The following ADAMTS12 variants were observed in gnomAD, a reference collection of about 807,000 sequenced individuals.
ADAMTS12 encodes A disintegrin and metalloproteinase with thrombospondin motifs 12.
In ADAMTS12, 118 loss-of-function variants were observed where a neutral mutation model predicts 167.8. The ratio of observed to expected loss-of-function variants is 0.70; its 90% CI spans 0.61 to 0.82. ADAMTS12 has a LOEUF of 0.82. ADAMTS12 is among the 40% of genes least tolerant of loss of function. The probability of loss-of-function intolerance (pLI) is 0.00; values close to 1 mark genes in which losing one functional copy is unlikely to be tolerated. For synonymous variants in ADAMTS12, 704 were observed against 716.9 expected, an observed-to-expected ratio of 0.98 and a Z score of 0.29; for missense variants, 1,916 against 1,998.8, an observed-to-expected ratio of 0.96 and a Z score of 0.79.
At chr5:33,660,853 T>C (rs1381147027) in intron 6 of ADAMTS12, among the ~76,000 whole-genome samples, 2 of 152,220 alleles carry the variant, frequency 1.3e-5, no homozygotes, top group Non-Finnish European at 2.9e-5. Flanking sequence ...TAACCAGCGT[T>C]TGAATACCTT....
intron 2 of ADAMTS12, among the ~76,000 whole-genome samples, chr5:33,878,657 T>C (rs1027869997): frequency 3.9e-5 from 6 of 152,194 alleles, no homozygotes; most frequent in Admixed American, 1.3e-4. Flanking sequence ...GATCTGGTAC[T>C]TTAGAGTAAC....
intron 3 of ADAMTS12, among the ~76,000 whole-genome samples, chr5:33,746,597 A>G (rs535172430): frequency 5.3e-5 from 8 of 152,352 alleles, no homozygotes; most frequent in South Asian, 2.1e-4. Flanking sequence ...TCAGAGGCCA[A>G]AAGTAGAAAA....
intron 3 of ADAMTS12, among the ~76,000 whole-genome samples, chr5:33,740,559 G>A (rs539733700): frequency 7.1e-4 from 108 of 152,270 alleles, no homozygotes; most frequent in African/African-American, 2.6e-3. Context: ...GGTCCCCTGA[G>A]TCACTTGCCA....
intron 5 of ADAMTS12, among the ~76,000 whole-genome samples, chr5:33,663,385 C>T (rs1020813104): frequency 2.6e-5 from 4 of 151,098 alleles, no homozygotes; most frequent in Admixed American, 2.6e-4. Context: ...AAAAACTGGT[C>T]AGGTGGCATG....
intron 3 of ADAMTS12, among the ~76,000 whole-genome samples, chr5:33,686,873 T>C (rs1435232811): frequency 6.6e-6 from 1 of 150,838 alleles, no homozygotes; most frequent in Admixed American, 6.6e-5. Context: ...TCTATATATA[T>C]ATGTAGGCAC....
chr5:33,524,287 GTGTTTAATTACATTTTCA>G lies in ADAMTS12; in HGVS notation c.*2883_*2900del, dbSNP rs1449806775. The G allele has an allele frequency of 6.6e-6, 1 of 152,184 alleles. No homozygotes were observed. Among genetic ancestry groups the G allele is most frequent in the Non-Finnish European group, 1.5e-5 (1 of 68,026 alleles). The allele number at this position is 152,184 out of a possible 1,614,324, so 9.4% of individuals were successfully genotyped here. ...TCCTGGAATATTGTTCTCTCGTGGTGTGTTTAATTACATTTTCATGTTTAAGAATTATATTAACCCACA... is the reference window on the plus strand; with the variant it reads ...TCCTGGAATATTGTTCTCTCGTGGTGTGTTTAAGAATTATATTAACCCACA... On this transcript the variant is annotated 3_prime_UTR_variant, in exon 24 of 24. Coordinates refer to ENST00000504830, the MANE Select transcript of ADAMTS12 (RefSeq NM_030955.4).
intron 18 of ADAMTS12, among the ~76,000 whole-genome samples, chr5:33,581,116 C>T (rs1036736810): frequency 2.2e-4 from 33 of 152,330 alleles, no homozygotes; most frequent in African/African-American, 6.7e-4. Context: ...TTCAGCTCCA[C>T]GCTTCTTCTA....
intron 2 of ADAMTS12, among the ~76,000 whole-genome samples, chr5:33,758,396 C>A (rs1440449357): frequency 2.0e-5 from 3 of 152,078 alleles, no homozygotes; most frequent in Non-Finnish European, 4.4e-5. Flanking sequence ...CACACTCTGA[C>A]ATTCAGCCTC....
intron 6 of ADAMTS12, among the ~76,000 whole-genome samples, chr5:33,660,027 G>A (rs1337245611): frequency 6.6e-6 from 1 of 152,116 alleles, no homozygotes; most frequent in Non-Finnish European, 1.5e-5. Context: ...CAGATATGCT[G>A]CTAAATATCT....
chr5:33,721,418 G>C (rs1184947042), intron 3 of ADAMTS12, among the ~76,000 whole-genome samples: 1 of 152,168 alleles, frequency 6.6e-6, no homozygotes, highest in African/African-American at 2.4e-5. Context: ...ATTGGAATAG[G>C]TGCTTGGATC....
intron 20 of ADAMTS12, among the ~76,000 whole-genome samples, chr5:33,555,866 G>A (rs1244261555): frequency 6.6e-6 from 1 of 152,188 alleles, no homozygotes; most frequent in Non-Finnish European, 1.5e-5. Context: ...AGTAGGTCAA[G>A]TCCTCCAGAG....
At chr5:33,743,607 A>G (rs1206266295) in intron 3 of ADAMTS12, among the ~76,000 whole-genome samples, 1 of 152,100 alleles carries the variant, frequency 6.6e-6, no homozygotes, top group Non-Finnish European at 1.5e-5. Context: ...TTGTATCCTA[A>G]TTACCCGGTG....
At chr5:33,592,230 AAAAC>A (rs1032571266) in intron 17 of ADAMTS12, among the ~76,000 whole-genome samples, 3 of 151,750 alleles carry the variant, frequency 2.0e-5, no homozygotes, top group East Asian at 1.9e-4. Flanking sequence ...ACTCCGTCTC[AAAAC>A]AAACAAACAA....
intron 2 of ADAMTS12, among the ~76,000 whole-genome samples, chr5:33,860,243 T>A (rs1749557761): frequency 6.6e-6 from 1 of 151,996 alleles, no homozygotes; most frequent in Non-Finnish European, 1.5e-5. Flanking sequence ...TCTAACCCAA[T>A]GCAAGGAAGC....
chr5:33,789,680 T>A (rs959187315), intron 2 of ADAMTS12, among the ~76,000 whole-genome samples: 1 of 152,198 alleles, frequency 6.6e-6, no homozygotes. Flanking sequence ...CACACAGCGT[T>A]CTTGACAGTC....
intron 3 of ADAMTS12, among the ~76,000 whole-genome samples, chr5:33,708,166 CATTTATGCAGT>C (rs1561226974): frequency 6.6e-6 from 1 of 152,156 alleles, no homozygotes; most frequent in Non-Finnish European, 1.5e-5. Flanking sequence ...CAAAGGAAGA[CATTTATGCAGT>C]CAATAAACAT....
chr5:33,562,163 T>C (rs1745779419), intron 19 of ADAMTS12, among the ~76,000 whole-genome samples: 1 of 152,130 alleles, frequency 6.6e-6, no homozygotes, highest in African/African-American at 2.4e-5. Flanking sequence ...ATTGTGCCTT[T>C]TAGCAAGCTC....
At chr5:33,849,001 T>C (rs1306471229) in intron 2 of ADAMTS12, among the ~76,000 whole-genome samples, 2 of 149,844 alleles carry the variant, frequency 1.3e-5, no homozygotes, top group South Asian at 4.2e-4. Context: ...ATGTATTGCA[T>C]AGCAATATAT....
At chr5:33,634,167 A>C (rs898498079) in intron 12 of ADAMTS12, among the ~76,000 whole-genome samples, 7 of 152,176 alleles carry the variant, frequency 4.6e-5, no homozygotes, top group Non-Finnish European at 1.0e-4. Flanking sequence ...GGTAAGGAAA[A>C]GTTTTGATGC....
Sources: gnomAD v4.1 joint callset for allele counts (sites outside exome capture counted in the v4.1 genomes callset) on GRCh38, gnomAD v4.1.1 for gene constraint, MANE v1.5 for transcripts, NCBI Gene and HGNC (gene_info 2026-07-23, HGNC 2026-07-21) for gene names.